GULP1: variants seen among roughly 807,000 people sequenced by gnomAD.
GULP1 encodes the protein PTB domain-containing engulfment adapter protein 1.
Under a neutral mutation model 40.9 loss-of-function variants are expected in GULP1, and 19 were observed. The observed-to-expected ratio is 0.46, with a 90% confidence interval of 0.32 to 0.68. The LOEUF (loss-of-function observed/expected upper bound fraction) is 0.68, where lower values mean the gene tolerates loss of function less well. GULP1 is among the 30% of genes least tolerant of loss of function. The probability of loss-of-function intolerance (pLI) is 0.03; values close to 1 mark genes in which losing one functional copy is unlikely to be tolerated. For synonymous variants in GULP1, 119 were observed against 117.6 expected (o/e 1.01, Z -0.08); for missense variants, 312 against 362.2 (o/e 0.86, Z 1.12).
chr2:188,309,775 G>C (rs1411584937), intron 1 of GULP1, among the ~76,000 whole-genome samples: 1 of 152,178 alleles, frequency 6.6e-6, no homozygotes, highest in East Asian at 1.9e-4. Context: ...CAATAATTGT[G>C]TGCTAAGTGG....
chr2:188,442,950 A>T (rs1253636231), intron 2 of GULP1, among the ~76,000 whole-genome samples: 1 of 152,216 alleles, frequency 6.6e-6, no homozygotes, highest in African/African-American at 2.4e-5. Context: ...TTATCAAGGA[A>T]ACAAAATATA....
At chr2:188,533,157 T>C (rs919655201) in intron 6 of GULP1, among the ~76,000 whole-genome samples, 2 of 152,156 alleles carry the variant, frequency 1.3e-5, no homozygotes, top group Admixed American at 1.3e-4. Flanking sequence ...TTTCATTAAC[T>C]TTAAATATTT....
At chr2:188,472,992 G>T (rs998064274) in intron 2 of GULP1, among the ~76,000 whole-genome samples, 5 of 152,120 alleles carry the variant, frequency 3.3e-5, no homozygotes, top group Admixed American at 1.3e-4. Context: ...ATCTGCTTTG[G>T]GGGGGACCCC....
intron 2 of GULP1, among the ~76,000 whole-genome samples, chr2:188,451,013 T>C (rs915044284): frequency 1.3e-5 from 2 of 152,350 alleles, no homozygotes; most frequent in South Asian, 4.1e-4. Context: ...TAAATGGGTA[T>C]ATGCTACCAT....
intron 4 of GULP1, among the ~76,000 whole-genome samples, chr2:188,506,333 G>T (rs1455963517): frequency 6.6e-6 from 1 of 151,882 alleles, no homozygotes; most frequent in Non-Finnish European, 1.5e-5. Context: ...CTACTCGTTT[G>T]CATTTATATA....
At chr2:188,583,060 A>G (rs189757915) in intron 9 of GULP1, among the ~76,000 whole-genome samples, 73 of 152,254 alleles carry the variant, frequency 4.8e-4, no homozygotes, top group African/African-American at 1.7e-3. Context: ...AGATTTTAGA[A>G]TTTTTGTATC....
intron 1 of GULP1, among the ~76,000 whole-genome samples, chr2:188,303,885 G>GCTAGGCAA (rs1283739357): frequency 1.3e-5 from 2 of 152,112 alleles, no homozygotes; most frequent in Non-Finnish European, 2.9e-5. Flanking sequence ...AGCTAGGCAA[G>GCTAGGCAA]GGAGACCAGA....
At chr2:188,361,559 C>T (rs2046090474) in intron 1 of GULP1, among the ~76,000 whole-genome samples, 1 of 152,018 alleles carries the variant, frequency 6.6e-6, no homozygotes, top group Non-Finnish European at 1.5e-5. Flanking sequence ...GTGACTTTAA[C>T]ATCATTACAG....
At chr2:188,457,119 G>A (rs1034425802) in intron 2 of GULP1, among the ~76,000 whole-genome samples, 1 of 152,142 alleles carries the variant, frequency 6.6e-6, no homozygotes, top group African/African-American at 2.4e-5. Context: ...AGGCAGAAGG[G>A]ACTTGCCTTA....
chr2:188,497,234 T>G (rs545675424), intron 4 of GULP1, among the ~76,000 whole-genome samples: 213 of 152,170 alleles, frequency 1.4e-3, no homozygotes, highest in African/African-American at 5.0e-3. Context: ...ACTTTTGTAA[T>G]AAATTAACAA....
chr2:188,387,098 T>C (rs1246274910), intron 2 of GULP1, among the ~76,000 whole-genome samples: 1 of 151,910 alleles, frequency 6.6e-6, no homozygotes, highest in Admixed American at 6.6e-5. Context: ...TATCTGGGTG[T>C]GGTGGCAAGT....
chr2:188,495,547 C>T (rs78523943), intron 4 of GULP1, among the ~76,000 whole-genome samples: 6,356 of 151,990 alleles, frequency 0.042, 304 homozygotes, highest in African/African-American at 0.11. Context: ...GCAAAAGGAC[C>T]AACAGTTTAG....
chr2:188,539,707 A>G (rs1388833810), intron 6 of GULP1, among the ~76,000 whole-genome samples: 7 of 152,160 alleles, frequency 4.6e-5, no homozygotes, highest in African/African-American at 1.7e-4. Context: ...ATGCAGGGAA[A>G]GAATGCTTTG....
intron 2 of GULP1, among the ~76,000 whole-genome samples, chr2:188,448,879 C>T (rs1418841058): frequency 1.3e-5 from 2 of 152,114 alleles, no homozygotes; most frequent in African/African-American, 4.8e-5. Context: ...TTTCCTCCTT[C>T]TCTGGCCATG....
intron 7 of GULP1, among the ~76,000 whole-genome samples, chr2:188,568,054 T>C (rs1441244496): frequency 6.6e-6 from 1 of 152,150 alleles, no homozygotes; most frequent in African/African-American, 2.4e-5. Flanking sequence ...ACAGTCTTCC[T>C]TTAAAATATT....
intron 4 of GULP1, among the ~76,000 whole-genome samples, chr2:188,499,962 TA>T (rs1006471018): frequency 9.2e-5 from 14 of 151,716 alleles, no homozygotes; most frequent in Non-Finnish European, 1.8e-4. Flanking sequence ...CACGTGCTTT[TA>T]AAAAAATATA....
intron 4 of GULP1, among the ~76,000 whole-genome samples, chr2:188,512,868 A>G (rs1202619281): frequency 2.0e-5 from 3 of 152,072 alleles, no homozygotes; most frequent in Non-Finnish European, 4.4e-5. Context: ...CATTTTAACT[A>G]TTTGAAAAAT....
In GULP1 at chr2:188,387,626, G is replaced by A. The variant is rs560472092; in HGVS notation, c.-45+3737G>A. On this transcript the variant is annotated intron_variant, in intron 2 of 11. Transcript: ENST00000409830. ...GACCACTTGAGTTGTGCTTTTTAAG[G>A]TAGAGAGGAACACTGACAGGCAAAC... 6.6e-5 allele frequency among the ~76,000 whole-genome samples: 10 copies of A among 152,270 alleles called. No homozygotes were observed. The South Asian group carries it at 1.2e-3, about 19-fold the overall frequency.
chr2:188,444,928 A>G (rs1348567698), intron 2 of GULP1, among the ~76,000 whole-genome samples: 2 of 152,230 alleles, frequency 1.3e-5, no homozygotes, highest in Admixed American at 6.5e-5. Flanking sequence ...TAGATTTTGA[A>G]TGATAATATG....
Sources: gnomAD v4.1 joint callset for allele counts (sites outside exome capture counted in the v4.1 genomes callset) on GRCh38, gnomAD v4.1.1 for gene constraint, MANE v1.5 for transcripts, NCBI Gene and HGNC (gene_info 2026-07-23, HGNC 2026-07-21) for gene names.